Variants in ALX1 observed in about 807,000 individuals in gnomAD.
ALX1 encodes the protein ALX homeobox protein 1.
In ALX1, 19 loss-of-function variants were observed where a neutral mutation model predicts 31.7. The observed-to-expected ratio is 0.60, with a 90% CI of 0.42 to 0.88. The LOEUF is 0.88. Among genes scored for constraint, ALX1 ranks in the 40% least tolerant of loss-of-function variants. The pLI, the probability that ALX1 is intolerant of heterozygous loss-of-function variation, is 0.00. For missense variants in ALX1, 415 were observed against 407.8 expected (o/e 1.02, Z -0.15); for synonymous variants, 153 against 148.8 (o/e 1.03, Z -0.20).
At chr12:85,283,100 G>A (rs1379122865) in intron 1 of ALX1, among the ~76,000 whole-genome samples, 1 of 152,126 alleles carries the variant, frequency 6.6e-6, no homozygotes, top group African/African-American at 2.4e-5. Context: ...ACGTGGAGGA[G>A]GATAATAACT....
intron 1 of ALX1, among the ~76,000 whole-genome samples, chr12:85,282,216 G>A (rs1372208951): frequency 6.6e-6 from 1 of 151,200 alleles, no homozygotes; most frequent in Non-Finnish European, 1.5e-5. Flanking sequence ...ATCTTCGTTT[G>A]CATGAAAACC....
chr12:85,291,163 T>C (rs1896813334), intron 3 of ALX1, among the ~76,000 whole-genome samples: 1 of 151,184 alleles, frequency 6.6e-6, no homozygotes, highest in African/African-American at 2.4e-5. Context: ...TCTTCCTCTG[T>C]TCAAAAAAAT....
At chr12:85,292,637 G>T (rs1896832942) in intron 3 of ALX1, among the ~76,000 whole-genome samples, 1 of 151,010 alleles carries the variant, frequency 6.6e-6, no homozygotes, top group African/African-American at 2.4e-5. Flanking sequence ...CATTCTATTT[G>T]AAATATTGTA....
intron 3 of ALX1, among the ~76,000 whole-genome samples, chr12:85,290,182 T>C (rs1019505009): frequency 2.0e-5 from 3 of 151,368 alleles, no homozygotes; most frequent in East Asian, 1.9e-4. Flanking sequence ...CTTTCTAATA[T>C]GTTCTAATAA....
At chr12:85,299,228 T>C (rs1896928425) in intron 3 of ALX1, among the ~76,000 whole-genome samples, 1 of 151,362 alleles carries the variant, frequency 6.6e-6, no homozygotes, top group South Asian at 2.1e-4. Flanking sequence ...AGTAGCACAA[T>C]GTGTGTGATT....
Position 85,286,995 on chromosome 12 carries a change from C to T in ALX1, c.660+14C>T. The T allele has an allele frequency of 6.2e-7, 1 of 1,611,254 alleles. No individual in the cohort carries two copies. Among genetic ancestry groups the T allele is most frequent in the Non-Finnish European group, 8.5e-7 (1 of 1,177,894 alleles). On this transcript the variant is annotated intron_variant, in intron 3 of 3. Coordinates refer to ENST00000316824, the MANE Select transcript of ALX1 (RefSeq NM_006982.3). ...AGCTACCCACAGGTATGCTAAACTA[C>T]ACAGAATACTGATCAAGAAAAGGAT...
chr12:85,290,520 T>C (rs1342072807), intron 3 of ALX1, among the ~76,000 whole-genome samples: 1 of 151,176 alleles, frequency 6.6e-6, no homozygotes, highest in Non-Finnish European at 1.5e-5. Flanking sequence ...GTTTCAAGAT[T>C]TTTTTCTTAA....
At chr12:85,300,152 T>C (rs1022627772) in intron 3 of ALX1, among the ~76,000 whole-genome samples, 1 of 152,000 alleles carries the variant, frequency 6.6e-6, no homozygotes, top group African/African-American at 2.4e-5. Flanking sequence ...CTTTTGTTTG[T>C]TTAAATAGCT....
At chr12:85,294,410 G>T (rs1053321904) in intron 3 of ALX1, among the ~76,000 whole-genome samples, 2 of 150,964 alleles carry the variant, frequency 1.3e-5, no homozygotes, top group African/African-American at 4.8e-5. Context: ...CAAAGGTTAG[G>T]TGTTACCATT....
intron 3 of ALX1, among the ~76,000 whole-genome samples, chr12:85,298,214 G>A (rs976282637): frequency 2.6e-5 from 4 of 151,606 alleles, no homozygotes; most frequent in African/African-American, 9.7e-5. Flanking sequence ...CTCCACCATT[G>A]GAACTATGCA....
chr12:85,301,021 G>A (rs921271680), intron 3 of ALX1, 134 bp from the exon 4 acceptor site: 23 of 834,386 alleles, frequency 2.8e-5, no homozygotes, highest in Middle Eastern at 3.2e-4. Context: ...AGTCATTGTT[G>A]TATGTAATTA....
intron 3 of ALX1, among the ~76,000 whole-genome samples, chr12:85,291,007 A>T (rs1896810918): frequency 6.6e-6 from 1 of 151,270 alleles, no homozygotes; most frequent in Non-Finnish European, 1.5e-5. Context: ...CATTGGATAG[A>T]TATGAGTAAT....
At chr12:85,287,376 G>A (rs1896761897) in intron 3 of ALX1, among the ~76,000 whole-genome samples, 1 of 150,696 alleles carries the variant, frequency 6.6e-6, no homozygotes, top group Admixed American at 6.6e-5. Flanking sequence ...ATTGTTTTAT[G>A]AACTATACTA....
chr12:85,292,038 T>A (rs564463887), intron 3 of ALX1, among the ~76,000 whole-genome samples: 5 of 151,262 alleles, frequency 3.3e-5, no homozygotes, highest in African/African-American at 1.2e-4. Context: ...TTATGCAAAT[T>A]ACTTAGGGCA....
At chr12:85,285,345 G>C (rs1896735155) in intron 2 of ALX1, among the ~76,000 whole-genome samples, 1 of 151,684 alleles carries the variant, frequency 6.6e-6, no homozygotes. Context: ...AAATTGTCAA[G>C]TTCTTTTTGT....
At chr12:85,287,055 G>C in intron 3 of ALX1, 74 bp downstream of exon 3, 1 of 1,546,608 alleles carries the variant, frequency 6.5e-7, no homozygotes, top group African/African-American at 1.4e-5. Context: ...GGTTAGCATA[G>C]GCTTTATTAT....
intron 3 of ALX1, among the ~76,000 whole-genome samples, chr12:85,291,246 T>C (rs1896814558): frequency 6.6e-6 from 1 of 151,146 alleles, no homozygotes; most frequent in Admixed American, 6.6e-5. Context: ...AAAACAAATA[T>C]ATGCCATGCA....
rs1346715045 is a variant in ALX1, at chr12:85,280,365, T to G, written c.104T>G (p.Leu35Arg). 3 of 1,613,834 alleles carry G rather than the reference T, an allele frequency of 1.9e-6. No individual in the cohort carries two copies. The Admixed American group carries it at 5.0e-5, about 27-fold the overall frequency. Residue 35 changes from leucine to arginine, a missense_variant, in exon 1 of 4, where the codon CTG becomes CGG. Transcript: ENST00000316824. ...CCTCTGGAGCACGTTATGGAGACGC[T>G]GGACAATGAGTCCTTTTACAGCAAA... The part of the protein sequence containing the change: ...GGPLEHVMET[L>R]DNESFYSKAS...
chr12:85,292,287 T>C (rs1172753564), intron 3 of ALX1, among the ~76,000 whole-genome samples: 2 of 151,170 alleles, frequency 1.3e-5, no homozygotes, highest in Non-Finnish European at 3.0e-5. Flanking sequence ...ACGGTAACTT[T>C]AGAAAAGTTT....
Sources: allele counts gnomAD v4.1 joint callset (sites outside exome capture counted in the v4.1 genomes callset), GRCh38; gene constraint gnomAD v4.1.1; transcripts MANE v1.5; gene names NCBI Gene and HGNC (gene_info 2026-07-23, HGNC 2026-07-21).